UBE2D1: variants seen among roughly 807,000 people sequenced by gnomAD.
UBE2D1 encodes ubiquitin-conjugating enzyme E2 D1.
Under a neutral mutation model 24.6 loss-of-function variants are expected in UBE2D1, and 9 were observed. That is an observed-to-expected ratio of 0.37 (90% CI 0.22 to 0.64). The LOEUF (loss-of-function observed/expected upper bound fraction) is 0.64. Ranked by LOEUF, UBE2D1 falls within the 30% of genes least tolerant of loss-of-function variation. UBE2D1 has a pLI of 0.64. For missense variants in UBE2D1, 87 were observed against 177.1 expected (o/e 0.49, Z 2.89); for synonymous variants, 57 against 57.6 (o/e 0.99, Z 0.04).
intron 1 of UBE2D1, among the ~76,000 whole-genome samples, chr10:58,349,000 A>G (rs1033252506): frequency 3.3e-5 from 5 of 152,220 alleles, no homozygotes; most frequent in Non-Finnish European, 7.3e-5. Flanking sequence ...TAAACATGCC[A>G]TCTGTGGCAA....
chr10:58,356,940 A>T (rs1840137490), intron 1 of UBE2D1, among the ~76,000 whole-genome samples: 1 of 152,214 alleles, frequency 6.6e-6, no homozygotes, highest in African/African-American at 2.4e-5. Context: ...AAGCATGGCC[A>T]TGAAGAGTTC....
At chr10:58,351,185 A>G (rs1310173230) in intron 1 of UBE2D1, among the ~76,000 whole-genome samples, 10 of 152,186 alleles carry the variant, frequency 6.6e-5, no homozygotes, top group African/African-American at 1.9e-4. Context: ...CTGTACATAC[A>G]CTTAGTATAT....
intron 1 of UBE2D1, among the ~76,000 whole-genome samples, chr10:58,349,918 T>A (rs549029374): frequency 1.1e-4 from 17 of 152,198 alleles, no homozygotes; most frequent in Admixed American, 2.6e-4. Context: ...GTATCTTTTG[T>A]CTCTGGCTGC....
chr10:58,351,070 G>A (rs759493801), intron 1 of UBE2D1, among the ~76,000 whole-genome samples: 21 of 152,174 alleles, frequency 1.4e-4, no homozygotes, highest in Non-Finnish European at 2.5e-4. Context: ...TACCATAAAT[G>A]GAGTTCGCAG....
intron 1 of UBE2D1, among the ~76,000 whole-genome samples, chr10:58,341,802 T>A (rs747039735): frequency 1.3e-5 from 2 of 152,184 alleles, no homozygotes; most frequent in Non-Finnish European, 2.9e-5. Flanking sequence ...GAGTTAATGG[T>A]CATCTACTAA....
At chr10:58,362,163 T>C (rs925908746) in intron 3 of UBE2D1, among the ~76,000 whole-genome samples, 43 of 152,204 alleles carry the variant, frequency 2.8e-4, no homozygotes, top group African/African-American at 1.0e-3. Flanking sequence ...AGGCTTTTTC[T>C]TTCTATGAGC....
At chr10:58,368,680 T>C (rs1840283198) in intron 6 of UBE2D1, 40 bp from the exon 7 acceptor site, 2 of 1,416,366 alleles carry the variant, frequency 1.4e-6, no homozygotes, top group East Asian at 2.4e-5. Flanking sequence ...GAAATATTAA[T>C]TTTGTATGTT....
Position 58,369,032 on chromosome 10 carries a change from A to T in UBE2D1, c.*267A>T. On this transcript the variant is annotated 3_prime_UTR_variant, in exon 7 of 7. Coordinates refer to ENST00000373910, the MANE Select transcript of UBE2D1 (RefSeq NM_003338.5). The stretch of plus-strand genomic sequence containing the variant: ...ACTTGGACATCTGCATCTTCAGCTT[A>T]CAAGATCTACAATGCAGCTGAAAAG... 4.1e-6 allele frequency: 1 copy of T among 244,144 alleles called. No individual in the cohort carries two copies. The highest frequency in any genetic ancestry group is 7.9e-6 in the Non-Finnish European group (1 of 126,964). The allele number at this position is 244,144 out of a possible 1,614,324, so 15.1% of individuals were successfully genotyped here. A position where few individuals can be genotyped will look rare whatever the true frequency, so the allele number is the denominator to read the frequency against.
chr10:58,367,263 G>A (rs1391073318), intron 5 of UBE2D1, among the ~76,000 whole-genome samples: 1 of 151,892 alleles, frequency 6.6e-6, no homozygotes, highest in African/African-American at 2.4e-5. Flanking sequence ...TGAGGAACCA[G>A]AGTCCTTGTT....
intron 1 of UBE2D1, among the ~76,000 whole-genome samples, chr10:58,351,429 T>A (rs1840075828): frequency 6.6e-6 from 1 of 152,220 alleles, no homozygotes; most frequent in African/African-American, 2.4e-5. Flanking sequence ...TTTAAGCTTT[T>A]TTGTTAAAAA....
intron 1 of UBE2D1, among the ~76,000 whole-genome samples, chr10:58,359,013 T>A (rs376146793): frequency 3.0e-4 from 35 of 115,132 alleles, no homozygotes; most frequent in South Asian, 5.9e-4. Context: ...ACCAGCTATT[T>A]AAAAAAAAAA....
At position 58,370,159 on chromosome 10, in the gene UBE2D1, T is replaced by C. The variant is rs570908630; in HGVS notation, c.*1394T>C. 3.9e-5 allele frequency: 6 copies of C among 152,172 alleles called. No individual in the cohort carries two copies. In the South Asian group the frequency reaches 1.0e-3, roughly 26 times the overall value. The allele number at this position is 152,172 out of a possible 1,614,324, so 9.4% of individuals were successfully genotyped here. ...GATTTAAATAAGCAGGTTATCTTTATAGATTTTAAAGAAAACTAGAAAGTT... is the reference window on the plus strand; with the variant it reads ...GATTTAAATAAGCAGGTTATCTTTACAGATTTTAAAGAAAACTAGAAAGTT... On this transcript the variant is annotated 3_prime_UTR_variant, in exon 7 of 7. Coordinates refer to ENST00000373910, the MANE Select transcript of UBE2D1 (RefSeq NM_003338.5).
intron 1 of UBE2D1, among the ~76,000 whole-genome samples, chr10:58,335,891 T>A (rs752620869): frequency 6.6e-6 from 1 of 152,184 alleles, no homozygotes; most frequent in Non-Finnish European, 1.5e-5. Context: ...CAAGATGACC[T>A]CCTGGCTGTG....
intron 1 of UBE2D1, among the ~76,000 whole-genome samples, chr10:58,339,725 C>T (rs1278943807): frequency 6.6e-6 from 1 of 151,344 alleles, no homozygotes; most frequent in Non-Finnish European, 1.5e-5. Flanking sequence ...TGCTACGATT[C>T]CAAAACAAAC....
chr10:58,363,110 A>C (rs1461642804), intron 3 of UBE2D1, among the ~76,000 whole-genome samples: 9 of 152,110 alleles, frequency 5.9e-5, no homozygotes, highest in Non-Finnish European at 7.4e-5. Context: ...TAAATTGTGT[A>C]GCAGGGTCCT....
chr10:58,365,516 G>A (rs575583620), intron 5 of UBE2D1, among the ~76,000 whole-genome samples: 2 of 152,276 alleles, frequency 1.3e-5, no homozygotes, highest in Admixed American at 6.5e-5. Context: ...TCTAAACTTC[G>A]AATAATCAGT....
At chr10:58,358,926 C>T (rs779066078) in intron 1 of UBE2D1, among the ~76,000 whole-genome samples, 1 of 148,918 alleles carries the variant, frequency 6.7e-6, no homozygotes, top group East Asian at 2.0e-4. Context: ...CTGCTTGGTC[C>T]GTTATTGCTT....
At chr10:58,368,042 T>C in intron 6 of UBE2D1, 26 bp downstream of exon 6, 1 of 1,513,042 alleles carries the variant, frequency 6.6e-7, no homozygotes, top group Non-Finnish European at 9.2e-7. Context: ...TTTTAGTTTC[T>C]GTATGGATAC....
chr10:58,357,058 G>A (rs970572251), intron 1 of UBE2D1, among the ~76,000 whole-genome samples: 1 of 152,018 alleles, frequency 6.6e-6, no homozygotes, highest in South Asian at 2.1e-4. Context: ...TTCAAGAAGT[G>A]GGAATCTGGG....
Sources: gnomAD v4.1 joint callset for allele counts (sites outside exome capture counted in the v4.1 genomes callset) on GRCh38, gnomAD v4.1.1 for gene constraint, MANE v1.5 for transcripts, NCBI Gene and HGNC (gene_info 2026-07-23, HGNC 2026-07-21) for gene names.